Variants in PTPRT observed in about 807,000 individuals in gnomAD.
PTPRT encodes receptor-type tyrosine-protein phosphatase T.
PTPRT carries 56 observed loss-of-function variants against 176.8 expected under a neutral mutation model. The observed-to-expected ratio is 0.32, with a 90% CI of 0.26 to 0.40. The LOEUF (loss-of-function observed/expected upper bound fraction) is 0.40. PTPRT is among the 10% of genes least tolerant of loss of function. PTPRT has a pLI of 1.00. For synonymous variants in PTPRT, 783 were observed against 739.0 expected (o/e 1.06, Z -0.96); for missense variants, 1,540 against 1,908.2 (o/e 0.81, Z 3.60).
intron 7 of PTPRT, among the ~76,000 whole-genome samples, chr20:42,495,486 T>C (rs1188727992): frequency 6.6e-6 from 1 of 152,176 alleles, no homozygotes; most frequent in Non-Finnish European, 1.5e-5. Context: ...CTACCCTTTA[T>C]GCCCAAAGAA....
At chr20:43,097,059 C>T (rs759933891) in intron 1 of PTPRT, among the ~76,000 whole-genome samples, 3 of 152,186 alleles carry the variant, frequency 2.0e-5, no homozygotes, top group Non-Finnish European at 2.9e-5. Context: ...GAGGCCAAAC[C>T]AGTTTTATTT....
At chr20:43,083,006 T>C (rs1188021323) in intron 1 of PTPRT, among the ~76,000 whole-genome samples, 3 of 152,106 alleles carry the variant, frequency 2.0e-5, no homozygotes, top group Non-Finnish European at 2.9e-5. Context: ...TTTCCTGCTA[T>C]ATAAACCCCT....
chr20:42,993,701 G>A lies in PTPRT; in HGVS notation c.89-107769C>T, dbSNP rs187351704. 8.6e-5 allele frequency among the ~76,000 whole-genome samples: 13 copies of A among 151,496 alleles called. No individual in the cohort carries two copies. In the East Asian group the frequency reaches 2.5e-3, roughly 30 times the overall value. Reference sequence around the variant, plus strand: ...TCTTTCTTTGCTCACACACTCCTTGGACCAGCATTTCCCAGACTGGTAAAC... The same window carrying A: ...TCTTTCTTTGCTCACACACTCCTTGAACCAGCATTTCCCAGACTGGTAAAC... On this transcript the variant is annotated intron_variant, in intron 1 of 30. Coordinates refer to ENST00000373187, the MANE Select transcript of PTPRT (RefSeq NM_007050.6).
At chr20:43,015,652 A>G (rs1026895352) in intron 1 of PTPRT, among the ~76,000 whole-genome samples, 1 of 152,142 alleles carries the variant, frequency 6.6e-6, no homozygotes, top group Non-Finnish European at 1.5e-5. Context: ...CCCGCACTAA[A>G]TAAGAGTTAG....
chr20:42,992,425 T>C (rs1983967654), intron 1 of PTPRT, among the ~76,000 whole-genome samples: 1 of 152,226 alleles, frequency 6.6e-6, no homozygotes, highest in Non-Finnish European at 1.5e-5. Flanking sequence ...CTATTGGTGC[T>C]CAGTCTATTG....
chr20:42,777,502 G>C (rs6103038), intron 4 of PTPRT, among the ~76,000 whole-genome samples: 71,047 of 151,658 alleles, frequency 0.47, 18,428 homozygotes, highest in Non-Finnish European at 0.59. Context: ...CCCAGACACC[G>C]ACACTTACTA....
At chr20:42,882,235 T>C (rs6030542) in intron 2 of PTPRT, among the ~76,000 whole-genome samples, 25 of 152,342 alleles carry the variant, frequency 1.6e-4, no homozygotes, top group African/African-American at 6.0e-4. Flanking sequence ...CCAAATTCGC[T>C]TTCATGCCTC....
At chr20:42,908,573 A>G (rs116963676) in intron 1 of PTPRT, among the ~76,000 whole-genome samples, 2,601 of 152,292 alleles carry the variant, frequency 0.017, 40 homozygotes, top group Non-Finnish European at 0.025. Context: ...TAGAGAGACT[A>G]GAAACTTCAG....
Position 42,074,512 on chromosome 20 carries a change from T to A in PTPRT, c.*6367A>T. The A allele has an allele frequency of 2.8e-6, 1 of 351,086 alleles. No homozygotes were observed. The highest frequency in any genetic ancestry group is 5.1e-6 in the Non-Finnish European group (1 of 196,028). The allele number at this position is 351,086 out of a possible 1,614,324, so 21.7% of individuals were successfully genotyped here. A position where few individuals can be genotyped will look rare whatever the true frequency, so the allele number is the denominator to read the frequency against. Reference sequence around the variant, plus strand: ...CGAACATTCCAATTAAGGATCAGAGTCCACATCTCACCACCCAGAGCAGTT... The same window carrying A: ...CGAACATTCCAATTAAGGATCAGAGACCACATCTCACCACCCAGAGCAGTT... On this transcript the variant is annotated 3_prime_UTR_variant, in exon 31 of 31. Transcript: ENST00000373187.
intron 9 of PTPRT, among the ~76,000 whole-genome samples, chr20:42,358,240 T>C (rs2058385143): frequency 6.6e-6 from 1 of 152,052 alleles, no homozygotes; most frequent in South Asian, 2.1e-4. Context: ...ACAGTTTCTC[T>C]GTAAACTTAT....
chr20:42,573,600 G>A (rs1376812097), intron 7 of PTPRT, among the ~76,000 whole-genome samples: 2 of 152,128 alleles, frequency 1.3e-5, no homozygotes, highest in African/African-American at 4.8e-5. Context: ...GATTTCACCA[G>A]ATCCTGCTTG....
chr20:42,112,649 C>T (rs1987064426), intron 22 of PTPRT, among the ~76,000 whole-genome samples: 1 of 152,120 alleles, frequency 6.6e-6, no homozygotes, highest in Non-Finnish European at 1.5e-5. Context: ...CTGCTGAGGC[C>T]ACTTCCTCAC....
intron 11 of PTPRT, among the ~76,000 whole-genome samples, chr20:42,345,034 C>A (rs1387924453): frequency 6.6e-6 from 1 of 152,154 alleles, no homozygotes; most frequent in African/African-American, 2.4e-5. Flanking sequence ...CAAGGGCTGC[C>A]TCTCTACTGA....
intron 7 of PTPRT, among the ~76,000 whole-genome samples, chr20:42,635,851 G>A (rs1366927884): frequency 6.6e-6 from 1 of 152,052 alleles, no homozygotes; most frequent in African/African-American, 2.4e-5. Flanking sequence ...TCTGTAAACT[G>A]CCAGCTTGAT....
At chr20:42,427,116 T>C (rs1270256980) in intron 9 of PTPRT, among the ~76,000 whole-genome samples, 1 of 152,186 alleles carries the variant, frequency 6.6e-6, no homozygotes, top group East Asian at 1.9e-4. Flanking sequence ...CTCCAGAGCT[T>C]TGAAAGCTCA....
chr20:42,306,309 G>T (rs1251785271), intron 12 of PTPRT, among the ~76,000 whole-genome samples: 1 of 152,186 alleles, frequency 6.6e-6, no homozygotes, highest in East Asian at 1.9e-4. Context: ...GAGTTTTAAG[G>T]CTCAAACAAT....
intron 15 of PTPRT, among the ~76,000 whole-genome samples, chr20:42,201,224 C>T (rs1991434735): frequency 6.6e-6 from 1 of 152,036 alleles, no homozygotes; most frequent in African/African-American, 2.4e-5. Context: ...CTTGAGAGCC[C>T]AAGAGGTGGA....
intron 9 of PTPRT, among the ~76,000 whole-genome samples, chr20:42,439,686 C>T (rs1230264807): frequency 1.3e-5 from 2 of 152,130 alleles, no homozygotes; most frequent in African/African-American, 4.8e-5. Context: ...GGATTCAATT[C>T]ATGCAATGCT....
intron 5 of PTPRT, among the ~76,000 whole-genome samples, chr20:42,765,777 C>T (rs1028972011): frequency 6.6e-6 from 1 of 151,818 alleles, no homozygotes; most frequent in African/African-American, 2.4e-5. Flanking sequence ...GACTCTATAA[C>T]TCATCCTTTT....
Sources: allele counts gnomAD v4.1 joint callset (sites outside exome capture counted in the v4.1 genomes callset), GRCh38; gene constraint gnomAD v4.1.1; transcripts MANE v1.5; gene names NCBI Gene and HGNC (gene_info 2026-07-23, HGNC 2026-07-21).